The following KIF26B variants were observed in gnomAD, a reference collection of about 807,000 sequenced individuals.
KIF26B encodes kinesin-like protein KIF26B.
Under a neutral mutation model 151.2 loss-of-function variants are expected in KIF26B, and 63 were observed. The observed-to-expected ratio is 0.42, with a 90% CI of 0.34 to 0.51. The LOEUF (loss-of-function observed/expected upper bound fraction) is 0.51, where lower values mean the gene tolerates loss of function less well. Ranked by LOEUF, KIF26B falls within the 20% of genes least tolerant of loss-of-function variation. The pLI is 0.07. For missense variants in KIF26B, 2,813 were observed against 2,913.6 expected, an observed-to-expected ratio of 0.97 and a Z score of 0.79; for synonymous variants, 1,357 against 1,262.1, an observed-to-expected ratio of 1.08 and a Z score of -1.59.
intron 10 of KIF26B, among the ~76,000 whole-genome samples, chr1:245,670,955 T>C (rs894073206): frequency 1.3e-5 from 2 of 152,176 alleles, no homozygotes; most frequent in African/African-American, 4.8e-5. Flanking sequence ...CTTTCAAAAA[T>C]TGGTTGAACC....
In KIF26B at chr1:245,512,402, A is replaced by G. The variant is rs1660858001; in HGVS notation, c.1167-28365A>G. On this transcript the variant is annotated intron_variant, in intron 4 of 14. Coordinates refer to ENST00000407071, the MANE Select transcript of KIF26B (RefSeq NM_018012.4). This position sits in a 1 kb window ranked among gnomAD's most constrained non-coding sequence, Gnocchi z 4.3. ...GACAGAGGGAGTACTGTGAAGCAAC[A>G]TGCAGGGCTGCCAATTTTGGAAATG... 6.6e-6 allele frequency among the ~76,000 whole-genome samples: 1 copy of G among 152,194 alleles called. No homozygotes were observed.
At chr1:245,527,627 G>A (rs1416820914) in intron 4 of KIF26B, among the ~76,000 whole-genome samples, 4 of 133,238 alleles carry the variant, frequency 3.0e-5, no homozygotes, top group Non-Finnish European at 6.2e-5. Flanking sequence ...TCCACCTCCC[G>A]GGTTCATGCC....
intron 2 of KIF26B, among the ~76,000 whole-genome samples, chr1:245,362,484 G>A (rs938393099): frequency 2.6e-5 from 4 of 150,948 alleles, no homozygotes; most frequent in African/African-American, 9.7e-5. Context: ...GTTGCAGTGA[G>A]CCGAGATCGC....
chr1:245,343,375 TC>T (rs1288936023), intron 2 of KIF26B, among the ~76,000 whole-genome samples: 1 of 151,878 alleles, frequency 6.6e-6, no homozygotes, highest in South Asian at 2.1e-4. Context: ...TTTTTTTTTT[TC>T]CTACCACAAT....
chr1:245,349,689 A>C (rs943229751), intron 2 of KIF26B, among the ~76,000 whole-genome samples: 2 of 152,168 alleles, frequency 1.3e-5, no homozygotes, highest in Non-Finnish European at 2.9e-5. Flanking sequence ...GGCCAGGCAT[A>C]GTTAACAATA....
Position 245,450,529 on chromosome 1 carries a change from G to A in KIF26B, c.1166+30784G>A, listed in dbSNP as rs186242087. ...GTCCAGCCAGCCTGCGGCTGCGTGA[G>A]ACTAATGATGGGTACTGGGCTGTTG... On this transcript the variant is annotated intron_variant, in intron 4 of 14. Transcript: ENST00000407071. Among the ~76,000 whole-genome samples the A allele has an allele frequency of 4.3e-3, 649 of 152,354 alleles. 2 individuals are homozygous for A. Among genetic ancestry groups the A allele is most frequent in the Non-Finnish European group, 6.1e-3 (418 of 68,032 alleles).
rs150455383 is a variant in KIF26B, at chr1:245,484,746, C to CTCTTCTTCTTCTTCT, written c.1167-56015_1167-56001dup. Among the ~76,000 whole-genome samples, 606 of 145,464 alleles carry CTCTTCTTCTTCTTCT rather than the reference C, an allele frequency of 4.2e-3. 4 individuals carry two copies. Among genetic ancestry groups the CTCTTCTTCTTCTTCT allele is most frequent in the African/African-American group, 0.015 (579 of 39,372 alleles). ...TTTCCTCCTCCTCCTTCTCCTCTTC[C>CTCTTCTTCTTCTTCT]TCTTCTTCTTCTTCTTCTTCATATT... On this transcript the variant is annotated intron_variant, in intron 4 of 14. Transcript: ENST00000407071.
intron 4 of KIF26B, among the ~76,000 whole-genome samples, chr1:245,527,553 A>G (rs1165744373): frequency 1.4e-4 from 1 of 6,940 alleles, no homozygotes; most frequent in Non-Finnish European, 3.1e-4. Context: ...TTTTTTTTTG[A>G]GATGGAGTCT....
chr1:245,378,414 T>C (rs531420086), intron 3 of KIF26B, among the ~76,000 whole-genome samples: 1 of 152,206 alleles, frequency 6.6e-6, no homozygotes, highest in East Asian at 1.9e-4. Flanking sequence ...CAGGCAAAGC[T>C]TGGGTTGGGG....
intron 5 of KIF26B, among the ~76,000 whole-genome samples, chr1:245,596,756 G>T (rs539704645): frequency 7.6e-4 from 115 of 152,244 alleles, no homozygotes; most frequent in South Asian, 2.1e-3. Flanking sequence ...CACTATTATT[G>T]TGTGGGAGTC....
intron 10 of KIF26B, among the ~76,000 whole-genome samples, chr1:245,663,139 T>C (rs1448525290): frequency 6.6e-6 from 1 of 152,092 alleles, no homozygotes; most frequent in Non-Finnish European, 1.5e-5. Context: ...CTGGCTCTGC[T>C]TGGGTCCCCT....
Position 245,560,883 on chromosome 1 carries a change from G to A in KIF26B, c.1350+19933G>A, listed in dbSNP as rs1247273732. On this transcript the variant is annotated intron_variant, in intron 5 of 14. Coordinates refer to ENST00000407071, the MANE Select transcript of KIF26B (RefSeq NM_018012.4). The surrounding 1 kb of genome is among the most constrained non-coding windows in gnomAD (Gnocchi z 4.3). ...AGAGAAAAGATTCTGGATTTGGGCG[G>A]TCTCACCTCCAAAATTGCAGCCCCT... Among the ~76,000 whole-genome samples the A allele has an allele frequency of 6.6e-6, 1 of 152,174 alleles. No homozygotes were observed. The highest frequency in any genetic ancestry group is 2.4e-5 in the African/African-American group (1 of 41,452).
intron 2 of KIF26B, among the ~76,000 whole-genome samples, chr1:245,235,638 A>C (rs2103557440): frequency 6.6e-6 from 1 of 151,998 alleles, no homozygotes; most frequent in East Asian, 1.9e-4. Flanking sequence ...GCAGGGAGGA[A>C]GGAAGGGTTC....
rs1348811447 is a variant in KIF26B, at chr1:245,687,358, G to A, written c.4375G>A (p.Gly1459Arg). The change falls in exon 12 of 15, where the codon GGG becomes AGG. Residue 1459 changes from glycine to arginine, a missense_variant. Transcript: ENST00000407071. This position sits in a 1 kb window ranked among gnomAD's most constrained non-coding sequence, Gnocchi z 4.9. ...KKETAHPNEE[G>R]MMRCETATGP... is the part of the protein sequence containing the mutation. Reference sequence around the variant, plus strand: ...AGAGACGGCTCATCCCAATGAAGAAGGGATGATGAGGTGTGAGACTGCCAC... The same window carrying A: ...AGAGACGGCTCATCCCAATGAAGAAAGGATGATGAGGTGTGAGACTGCCAC... 1.9e-5 allele frequency: 30 copies of A among 1,592,966 alleles called. No homozygotes were observed. The highest frequency in any genetic ancestry group is 2.5e-5 in the Non-Finnish European group (29 of 1,170,312).
intron 2 of KIF26B, among the ~76,000 whole-genome samples, chr1:245,184,050 G>GTTTTTTTTTGTTTTTTTTTTTTTTT (rs1668956799): frequency 5.0e-5 from 1 of 19,804 alleles, no homozygotes; most frequent in Non-Finnish European, 9.9e-5. Context: ...GGGAGTTGTT[G>GTTTTTTTTTGTTTTTTTTTTTTTTT]TTTTTTTTTT....
chr1:245,479,911 G>C (rs768522417), intron 4 of KIF26B, among the ~76,000 whole-genome samples: 7 of 151,702 alleles, frequency 4.6e-5, no homozygotes, highest in Non-Finnish European at 1.0e-4. Context: ...ACTAGGATTC[G>C]TGGATAAGGA....
chr1:245,614,126 T>C (rs2043558001), intron 9 of KIF26B, among the ~76,000 whole-genome samples: 1 of 152,010 alleles, frequency 6.6e-6, no homozygotes, highest in Admixed American at 6.6e-5. Context: ...GCAGCACGCG[T>C]CTCTTGTTTC....
chr1:245,455,150 C>T (rs1038780286), intron 4 of KIF26B, among the ~76,000 whole-genome samples: 4 of 152,156 alleles, frequency 2.6e-5, no homozygotes, highest in Admixed American at 6.5e-5. Flanking sequence ...TGCACCACCC[C>T]TTGCTCGATT....
intron 4 of KIF26B, among the ~76,000 whole-genome samples, chr1:245,424,342 T>G (rs532388376): frequency 6.6e-6 from 1 of 152,090 alleles, no homozygotes; most frequent in Non-Finnish European, 1.5e-5. Context: ...GAGATGGGGT[T>G]TCATCATGTT....
Sources: gnomAD v4.1 joint callset for allele counts (sites outside exome capture counted in the v4.1 genomes callset) on GRCh38, gnomAD v4.1.1 for gene constraint, Gnocchi (gnomAD v3.1) non-coding constraint, MANE v1.5 for transcripts, NCBI Gene and HGNC (gene_info 2026-07-23, HGNC 2026-07-21) for gene names.